Variants in TNR observed in about 807,000 individuals in gnomAD.
TNR encodes the protein tenascin R.
In TNR, 45 loss-of-function variants were observed where a neutral mutation model predicts 150.4. The ratio of observed to expected loss-of-function variants is 0.30; its 90% CI spans 0.24 to 0.38. The LOEUF (loss-of-function observed/expected upper bound fraction) is 0.38. Ranked by LOEUF, TNR falls within the 10% of genes least tolerant of loss-of-function variation. The pLI, the probability that TNR is intolerant of heterozygous loss-of-function variation, is 1.00. For synonymous variants in TNR, 687 were observed against 678.4 expected (o/e 1.01, Z -0.20); for missense variants, 1,544 against 1,759.1 (o/e 0.88, Z 2.19).
At chr1:175,545,513 T>C (rs978177989) in intron 1 of TNR, among the ~76,000 whole-genome samples, 2 of 152,162 alleles carry the variant, frequency 1.3e-5, no homozygotes, top group African/African-American at 4.8e-5. Context: ...TTGGTGGAAA[T>C]GGAGAGACTG....
intron 1 of TNR, among the ~76,000 whole-genome samples, chr1:175,660,116 C>T (rs1665318127): frequency 6.6e-6 from 1 of 152,180 alleles, no homozygotes; most frequent in African/African-American, 2.4e-5. Context: ...GTCATCCCCT[C>T]TCTGGACTCA....
intron 2 of TNR, among the ~76,000 whole-genome samples, chr1:175,447,801 C>G (rs1656131097): frequency 6.6e-6 from 1 of 152,148 alleles, no homozygotes; most frequent in Non-Finnish European, 1.5e-5. Flanking sequence ...TGGAGCTCAA[C>G]AAGGGAAAAT....
In TNR at chr1:175,449,841, CCT is replaced by C. The variant is rs376332379; in HGVS notation, c.-63-43066_-63-43065del. Among the ~76,000 whole-genome samples, 633 of 152,210 alleles carry C rather than the reference CCT, an allele frequency of 4.2e-3. 6 individuals are homozygous for C. The highest frequency in any genetic ancestry group is 7.3e-3 in the Non-Finnish European group (493 of 67,998). Reference sequence around the variant, plus strand: ...TGCCACTTTTCATTTGAGATTTGAGCCTCTCTCCCCAAGCCTTCCTTCTTTGT... The same window carrying C: ...TGCCACTTTTCATTTGAGATTTGAGCCTCTCCCCAAGCCTTCCTTCTTTGT... On this transcript the variant is annotated intron_variant, in intron 2 of 22. Transcript: ENST00000367674.
intron 1 of TNR, among the ~76,000 whole-genome samples, chr1:175,610,415 C>A (rs1324675335): frequency 6.6e-6 from 1 of 152,254 alleles, no homozygotes; most frequent in Non-Finnish European, 1.5e-5. Context: ...CTAAACAGCT[C>A]TTCATTCCTG....
intron 1 of TNR, among the ~76,000 whole-genome samples, chr1:175,678,103 C>G (rs1231954708): frequency 6.6e-6 from 1 of 152,168 alleles, no homozygotes; most frequent in Non-Finnish European, 1.5e-5. Flanking sequence ...TATATCATAG[C>G]AATTCTTTTC....
intron 2 of TNR, among the ~76,000 whole-genome samples, chr1:175,426,116 G>A (rs575929741): frequency 6.6e-6 from 1 of 152,330 alleles, no homozygotes; most frequent in East Asian, 1.9e-4. Context: ...CTCCAAGAGA[G>A]CGCAGCGTCT....
At chr1:175,413,346 T>A (rs868379287) in intron 2 of TNR, among the ~76,000 whole-genome samples, 8 of 152,360 alleles carry the variant, frequency 5.3e-5, no homozygotes, top group Middle Eastern at 3.4e-3. Context: ...TTTTTAGTGA[T>A]GCTGTCGGGC....
chr1:175,692,059 T>C (rs1164764993), intron 1 of TNR, among the ~76,000 whole-genome samples: 1 of 152,200 alleles, frequency 6.6e-6, no homozygotes, highest in Non-Finnish European at 1.5e-5. Context: ...TCGGTTCCCA[T>C]GACATACTTC....
At chr1:175,363,865 G>A (rs1043965037) in intron 12 of TNR, 38 bp from the exon 13 acceptor site, 1 of 1,582,248 alleles carries the variant, frequency 6.3e-7, no homozygotes, top group Non-Finnish European at 8.6e-7. Flanking sequence ...AAGACAGAAA[G>A]CACAGTGTGA....
At chr1:175,468,501 C>T (rs370463732) in intron 2 of TNR, among the ~76,000 whole-genome samples, 8 of 152,096 alleles carry the variant, frequency 5.3e-5, no homozygotes, top group African/African-American at 7.2e-5. Flanking sequence ...TCCCAAGGAG[C>T]GTAGAATGTT....
chr1:175,590,902 G>A (rs770237703), intron 1 of TNR, among the ~76,000 whole-genome samples: 1 of 152,198 alleles, frequency 6.6e-6, no homozygotes, highest in Non-Finnish European at 1.5e-5. Context: ...TAATATGAGC[G>A]CTGAGGATCT....
intron 1 of TNR, among the ~76,000 whole-genome samples, chr1:175,616,554 T>C (rs1375540313): frequency 6.6e-6 from 1 of 152,100 alleles, no homozygotes; most frequent in East Asian, 1.9e-4. Flanking sequence ...AAACAAAATC[T>C]CTTCTCTGGA....
Position 175,370,546 on chromosome 1 carries a change from A to AC in TNR, c.1964-3250dup, listed in dbSNP as rs530713034. On this transcript the variant is annotated intron_variant, in intron 9 of 22. Transcript: ENST00000367674. The stretch of plus-strand genomic sequence containing the variant: ...GACCTTCTCCCTGGCTGGGCCAAGT[A>AC]CCTATCTCTAGATTGAGTGGGTGAT... Among the ~76,000 whole-genome samples, 56 of 151,762 alleles carry AC rather than the reference A, an allele frequency of 3.7e-4. No individual in the cohort carries two copies. The East Asian group carries it at 0.011, about 29-fold the overall frequency.
At chr1:175,509,997 C>T (rs189407422) in intron 2 of TNR, among the ~76,000 whole-genome samples, 3 of 152,112 alleles carry the variant, frequency 2.0e-5, no homozygotes, top group African/African-American at 2.4e-5. Context: ...GAGGATGAGG[C>T]GGGCAGATTG....
At chr1:175,486,914 A>G (rs541712465) in intron 2 of TNR, among the ~76,000 whole-genome samples, 17 of 152,300 alleles carry the variant, frequency 1.1e-4, no homozygotes, top group South Asian at 4.1e-4. Context: ...GCATGCATAA[A>G]TGTCTTCTTT....
chr1:175,485,160 G>A (rs1261098216), intron 2 of TNR, among the ~76,000 whole-genome samples: 1 of 152,064 alleles, frequency 6.6e-6, no homozygotes, highest in Admixed American at 6.5e-5. Flanking sequence ...GATGCATTTG[G>A]CATTTCAGTC....
chr1:175,349,799 A>G (rs1180751017), intron 18 of TNR, among the ~76,000 whole-genome samples: 7 of 152,230 alleles, frequency 4.6e-5, no homozygotes, highest in Non-Finnish European at 8.8e-5. Context: ...TGGTTTGTTC[A>G]AATGGGATAA....
intron 1 of TNR, among the ~76,000 whole-genome samples, chr1:175,613,716 G>C (rs1345593648): frequency 1.3e-5 from 2 of 152,144 alleles, no homozygotes; most frequent in Admixed American, 6.5e-5. Flanking sequence ...GTCCTATCAA[G>C]TTACTGCCCT....
At chr1:175,662,986 G>A (rs1467727629) in intron 1 of TNR, among the ~76,000 whole-genome samples, 1 of 152,216 alleles carries the variant, frequency 6.6e-6, no homozygotes, top group Non-Finnish European at 1.5e-5. Context: ...TGGGTTTAAT[G>A]TCTACCTCAC....
Sources: gnomAD v4.1 joint callset for allele counts (sites outside exome capture counted in the v4.1 genomes callset) on GRCh38, gnomAD v4.1.1 for gene constraint, MANE v1.5 for transcripts, NCBI Gene and HGNC (gene_info 2026-07-23, HGNC 2026-07-21) for gene names.